Variants in GSAP observed in about 807,000 individuals in gnomAD.
GSAP encodes gamma-secretase activating protein, also known as gamma-secretase-activating protein.
A neutral mutation model predicts 131.7 loss-of-function variants in GSAP; 118 were observed. The ratio of observed to expected loss-of-function variants is 0.90; its 90% CI spans 0.77 to 1.04. GSAP has a LOEUF of 1.04. Among genes scored for constraint, GSAP ranks in the 50% least tolerant of loss-of-function variants. The pLI is 0.00. For missense variants in GSAP, 1,019 were observed against 1,013.2 expected (o/e 1.01, Z -0.08); for synonymous variants, 381 against 363.4 (o/e 1.05, Z -0.55).
At chr7:77,351,421 G>T in intron 18 of GSAP, 1 of 980,296 alleles carries the variant, frequency 1.0e-6, no homozygotes, top group Non-Finnish European at 1.2e-6. Context: ...TTTTTATTAA[G>T]GTTGTAGCAT....
At chr7:77,403,671 T>C (rs181787598) in intron 3 of GSAP, among the ~76,000 whole-genome samples, 6 of 152,306 alleles carry the variant, frequency 3.9e-5, no homozygotes, top group Non-Finnish European at 7.4e-5. Flanking sequence ...GAGGTCATTA[T>C]AGGATGACCT....
intron 6 of GSAP, among the ~76,000 whole-genome samples, chr7:77,386,752 T>A (rs146737231): frequency 6.6e-6 from 1 of 152,182 alleles, no homozygotes; most frequent in African/African-American, 2.4e-5. Flanking sequence ...GTCATTTTAG[T>A]ATGAGAGCTA....
chr7:77,416,194 C>T lies in GSAP; in HGVS notation c.109+19G>A. ...CCCACTCCCCGCCCCCACCCCTCTC[C>T]GCAGCGCGCCTCCCGCACCTGCGCC... On this transcript the variant is annotated intron_variant, in intron 1 of 30. Coordinates refer to ENST00000257626, the MANE Select transcript of GSAP (RefSeq NM_017439.4). 7.5e-7 allele frequency: 1 copy of T among 1,342,008 alleles called. No individual in the cohort carries two copies. The highest frequency in any genetic ancestry group is 9.8e-7 in the Non-Finnish European group (1 of 1,015,302). 83.1% of individuals were successfully genotyped at this position (1,342,008 alleles called of 1,614,324 possible).
intron 26 of GSAP, among the ~76,000 whole-genome samples, chr7:77,319,275 G>A (rs1787286772): frequency 2.0e-5 from 3 of 152,078 alleles, no homozygotes; most frequent in Admixed American, 2.0e-4. Context: ...GCAGACAAAT[G>A]GCCAACACTT....
chr7:77,317,352 G>A (rs1052697198), intron 26 of GSAP, among the ~76,000 whole-genome samples: 7 of 98,052 alleles, frequency 7.1e-5, no homozygotes, highest in Middle Eastern at 5.1e-3. Flanking sequence ...GGTTGGGGGG[G>A]AACATCACAC....
At position 77,336,176 on chromosome 7, in the gene GSAP, T is replaced by C. The variant is rs181865651; in HGVS notation, c.1546-5809A>G. Among the ~76,000 whole-genome samples, 138 of 152,358 alleles carry C rather than the reference T, an allele frequency of 9.1e-4. 1 individual carries two copies. Among genetic ancestry groups the C allele is most frequent in the African/African-American group, 3.2e-3 (131 of 41,586 alleles). On this transcript the variant is annotated intron_variant, in intron 19 of 30. Coordinates refer to ENST00000257626, the MANE Select transcript of GSAP (RefSeq NM_017439.4). ...AGTTCTATTAGCCATTTTTAATGGA[T>C]TGGATTTTTTTCTAAAAATGAAATC...
At chr7:77,347,469 TC>T (rs1792080528) in intron 19 of GSAP, among the ~76,000 whole-genome samples, 1 of 152,050 alleles carries the variant, frequency 6.6e-6, no homozygotes, top group African/African-American at 2.4e-5. Context: ...CATGAAGAAT[TC>T]CCACACATTT....
intron 19 of GSAP, among the ~76,000 whole-genome samples, chr7:77,334,580 T>A (rs11764543): frequency 0.19 from 15,799 of 81,094 alleles, 1,348 homozygotes; most frequent in Non-Finnish European, 0.22. Flanking sequence ...ACTTAAAATT[T>A]AAAAAAAAAA....
At chr7:77,338,452 T>A (rs773330454) in intron 19 of GSAP, among the ~76,000 whole-genome samples, 2 of 152,218 alleles carry the variant, frequency 1.3e-5, no homozygotes, top group Non-Finnish European at 2.9e-5. Context: ...CTGCCCAAGA[T>A]GTTCATATAG....
At chr7:77,408,848 T>C (rs999518119) in intron 1 of GSAP, among the ~76,000 whole-genome samples, 2 of 152,206 alleles carry the variant, frequency 1.3e-5, no homozygotes, top group African/African-American at 4.8e-5. Context: ...AGCAAATTTC[T>C]GTCTGTATTC....
Position 77,310,981 on chromosome 7 carries a change from T to C in GSAP, c.*377A>G, listed in dbSNP as rs551314229. 1.2e-5 allele frequency: 2 copies of C among 164,472 alleles called. No homozygotes were observed. Among genetic ancestry groups the C allele is most frequent in the East Asian group, 3.4e-4 (2 of 5,906 alleles). 10.2% of individuals were successfully genotyped at this position (164,472 alleles called of 1,614,324 possible). On this transcript the variant is annotated 3_prime_UTR_variant, in exon 31 of 31. Transcript: ENST00000257626. ...ATGTAACATTTAATTTTTATGCCTA[T>C]TATTTCAATGACACACCTAGTTTTT... is the stretch of plus-strand genomic sequence containing the variant.
chr7:77,413,586 A>T (rs991786784), intron 1 of GSAP, among the ~76,000 whole-genome samples: 1 of 152,268 alleles, frequency 6.6e-6, no homozygotes, highest in African/African-American at 2.4e-5. Flanking sequence ...AAATCTCACA[A>T]TATTGAGAAG....
chr7:77,355,787 G>GTTTTTTTTTT (rs11353263), intron 14 of GSAP, 140 bp from the exon 15 acceptor site: 6,365 of 293,418 alleles, frequency 0.022, 501 homozygotes, highest in African/African-American at 0.1. Flanking sequence ...ATGACAGCCC[G>GTTTTTTTTTT]TTTTTTTTTT....
At chr7:77,385,332 C>T (rs536192116) in intron 6 of GSAP, among the ~76,000 whole-genome samples, 1 of 152,164 alleles carries the variant, frequency 6.6e-6, no homozygotes, top group African/African-American at 2.4e-5. Context: ...CTGCGCCCAG[C>T]CACTTTTAAC....
intron 3 of GSAP, among the ~76,000 whole-genome samples, chr7:77,404,043 T>A (rs1389746462): frequency 6.6e-6 from 1 of 152,242 alleles, no homozygotes; most frequent in Non-Finnish European, 1.5e-5. Flanking sequence ...TGTACTGTGA[T>A]AACTGATTAC....
At chr7:77,329,455 A>C in intron 20 of GSAP, 64 bp from the exon 21 acceptor site, 1 of 829,892 alleles carries the variant, frequency 1.2e-6, no homozygotes, top group Non-Finnish European at 2.0e-6. Context: ...TTTCACGTCA[A>C]GGATATAATG....
At chr7:77,372,256 A>G (rs1460212122) in intron 12 of GSAP, among the ~76,000 whole-genome samples, 1 of 152,258 alleles carries the variant, frequency 6.6e-6, no homozygotes, top group Non-Finnish European at 1.5e-5. Context: ...AAAAGAAAAG[A>G]AAGGCAGGGA....
chr7:77,350,388 C>T (rs1792657237), intron 18 of GSAP, among the ~76,000 whole-genome samples: 1 of 147,364 alleles, frequency 6.8e-6, no homozygotes, highest in African/African-American at 2.5e-5. Context: ...CTAACCTGCA[C>T]ATTGTGCACA....
At chr7:77,416,104 T>G in intron 1 of GSAP, 109 bp downstream of exon 1, 1 of 587,582 alleles carries the variant, frequency 1.7e-6, no homozygotes, top group South Asian at 2.6e-5. Context: ...CGCACCAGCC[T>G]TCTCAGGGCG....
Sources: gnomAD v4.1 joint callset for allele counts (sites outside exome capture counted in the v4.1 genomes callset) on GRCh38, gnomAD v4.1.1 for gene constraint, MANE v1.5 for transcripts, NCBI Gene and HGNC (gene_info 2026-07-23, HGNC 2026-07-21) for gene names.